Variants in NEO1 observed in about 807,000 individuals in gnomAD.
NEO1 encodes neogenin.
A neutral mutation model predicts 159.7 loss-of-function variants in NEO1; 63 were observed. The observed-to-expected ratio is 0.39, with a 90% CI of 0.32 to 0.49. The LOEUF (loss-of-function observed/expected upper bound fraction) is 0.49. NEO1 is among the 20% of genes least tolerant of loss of function. The probability of loss-of-function intolerance (pLI) is 0.85; values close to 1 mark genes in which losing one functional copy is unlikely to be tolerated. For synonymous variants in NEO1, 633 were observed against 662.0 expected (o/e 0.96, Z 0.67); for missense variants, 1,615 against 1,831.0 (o/e 0.88, Z 2.15).
Position 73,136,169 on chromosome 15 carries a change from T to A in NEO1, c.1015+142T>A, listed in dbSNP as rs2031738495. ...CTAGACCAGACTGCTTGGGTTTAAATTCTAAATCTTATATTTCCTAGATAT... is the reference window on the plus strand; with the variant it reads ...CTAGACCAGACTGCTTGGGTTTAAAATCTAAATCTTATATTTCCTAGATAT... On this transcript the variant is annotated intron_variant, in intron 5 of 28. Coordinates refer to ENST00000261908, the MANE Select transcript of NEO1 (RefSeq NM_002499.4). 1.1e-5 allele frequency: 6 copies of A among 560,728 alleles called. No individual in the cohort carries two copies. In the South Asian group the frequency reaches 2.8e-4, roughly 26 times the overall value. The allele number at this position is 560,728 out of a possible 1,614,324, so 34.7% of individuals were successfully genotyped here.
At chr15:73,055,248 AAC>A (rs2067642995) in intron 1 of NEO1, among the ~76,000 whole-genome samples, 1 of 152,204 alleles carries the variant, frequency 6.6e-6, no homozygotes, top group African/African-American at 2.4e-5. Flanking sequence ...ATTTAGAGTG[AAC>A]ATTCTTCACC....
chr15:73,258,594 A>G (rs2150980605), intron 13 of NEO1, among the ~76,000 whole-genome samples, 172 bp from the exon 14 acceptor site: 1 of 152,260 alleles, frequency 6.6e-6, no homozygotes, highest in East Asian at 1.9e-4. Context: ...TGGAGATGGA[A>G]GCTACTCTAT....
chr15:73,249,237 T>C lies in NEO1; in HGVS notation c.1755+29T>C, dbSNP rs142332265. The C allele has an allele frequency of 9.6e-5, 155 of 1,610,266 alleles. 2 individuals are homozygous for C. In the East Asian group the frequency reaches 1.5e-3, roughly 16 times the overall value. ...TGAAGTGAAGCAACTTTTCAAACCATTGATTGGAATAGTAGAGTTGAAATA... is the reference window on the plus strand; with the variant it reads ...TGAAGTGAAGCAACTTTTCAAACCACTGATTGGAATAGTAGAGTTGAAATA... On this transcript the variant is annotated intron_variant, in intron 10 of 28. Transcript: ENST00000261908.
At chr15:73,227,401 C>G (rs768283804) in intron 7 of NEO1, among the ~76,000 whole-genome samples, 1 of 152,128 alleles carries the variant, frequency 6.6e-6, no homozygotes, top group Non-Finnish European at 1.5e-5. Context: ...GAGGCTGACG[C>G]AGGAGAATTG....
chr15:73,140,853 T>G (rs2032317084), intron 5 of NEO1, among the ~76,000 whole-genome samples: 1 of 152,338 alleles, frequency 6.6e-6, no homozygotes, highest in African/African-American at 2.4e-5. Context: ...CTACTATATA[T>G]ATGTAATTAC....
In NEO1 at chr15:73,086,564, T is replaced by A. The variant is rs2069368884; in HGVS notation, c.131-29976T>A. Among the ~76,000 whole-genome samples, 5 of 149,650 alleles carry A rather than the reference T, an allele frequency of 3.3e-5. No individual in the cohort carries two copies. The South Asian group carries it at 1.1e-3, about 32-fold the overall frequency. Reference sequence around the variant, plus strand: ...TCAATCCATGAATATAGTATGTCTTTTTTTTTTTTTTTTTGAGATGGAGTC... The same window carrying A: ...TCAATCCATGAATATAGTATGTCTTATTTTTTTTTTTTTTGAGATGGAGTC... On this transcript the variant is annotated intron_variant, in intron 1 of 28. Transcript: ENST00000261908.
chr15:73,053,082 C>G (rs781213644), intron 1 of NEO1, among the ~76,000 whole-genome samples: 5 of 152,096 alleles, frequency 3.3e-5, no homozygotes, highest in Non-Finnish European at 5.9e-5. Flanking sequence ...CCTCGCCTCT[C>G]TCCCCTCCCC....
intron 16 of NEO1, among the ~76,000 whole-genome samples, chr15:73,269,708 A>G (rs2041081521): frequency 6.6e-6 from 1 of 152,204 alleles, no homozygotes; most frequent in Non-Finnish European, 1.5e-5. Flanking sequence ...TATTTTAAGA[A>G]AATTCAAGCA....
chr15:73,054,901 G>A (rs1170683874), intron 1 of NEO1, among the ~76,000 whole-genome samples: 1 of 152,094 alleles, frequency 6.6e-6, no homozygotes, highest in East Asian at 1.9e-4. Context: ...TTTTATTTTT[G>A]TAGAGTGATA....
At chr15:73,135,074 T>G (rs960626694) in intron 4 of NEO1, among the ~76,000 whole-genome samples, 2 of 152,212 alleles carry the variant, frequency 1.3e-5, no homozygotes, top group African/African-American at 4.8e-5. Context: ...TCCCTAGAAT[T>G]AACTGCATCT....
intron 2 of NEO1, among the ~76,000 whole-genome samples, chr15:73,121,297 G>A (rs2151644357): frequency 6.6e-6 from 1 of 152,214 alleles, no homozygotes; most frequent in East Asian, 1.9e-4. Flanking sequence ...AAACTCTTTA[G>A]ATATAACTTG....
chr15:73,272,347 C>CT, intron 18 of NEO1, 108 bp from the exon 19 acceptor site: 3 of 693,038 alleles, frequency 4.3e-6, no homozygotes, highest in Non-Finnish European at 4.8e-6. Context: ...GAAGCTTTAT[C>CT]TTTTTTGCCT....
chr15:73,198,260 T>C (rs2036652070), intron 7 of NEO1, among the ~76,000 whole-genome samples: 1 of 152,214 alleles, frequency 6.6e-6, no homozygotes, highest in African/African-American at 2.4e-5. Flanking sequence ...CTGCCCTGTT[T>C]CTCATATACT....
At chr15:73,236,584 T>C in intron 8 of NEO1, 78 bp downstream of exon 8, 1 of 1,306,484 alleles carries the variant, frequency 7.7e-7, no homozygotes, top group Middle Eastern at 2.0e-4. Context: ...TGGCTCTTGG[T>C]ATCTGTACCA....
chr15:73,267,852 G>A (rs1162823379), intron 16 of NEO1, among the ~76,000 whole-genome samples: 2 of 151,982 alleles, frequency 1.3e-5, no homozygotes, highest in African/African-American at 4.8e-5. Flanking sequence ...AAAGGGCACT[G>A]GAAACCAAAG....
chr15:73,286,501 C>G (rs1262308336), intron 23 of NEO1, among the ~76,000 whole-genome samples: 1 of 152,184 alleles, frequency 6.6e-6, no homozygotes, highest in East Asian at 1.9e-4. Context: ...GTGTTCTCCC[C>G]AAGTGATCTC....
chr15:73,193,207 G>A (rs1029048731), intron 7 of NEO1, among the ~76,000 whole-genome samples: 3 of 151,962 alleles, frequency 2.0e-5, no homozygotes, highest in Admixed American at 2.0e-4. Context: ...TTAATATGTT[G>A]AGTACATGTG....
At chr15:73,115,517 G>T (rs1282409245) in intron 1 of NEO1, among the ~76,000 whole-genome samples, 1 of 152,090 alleles carries the variant, frequency 6.6e-6, no homozygotes, top group Non-Finnish European at 1.5e-5. Context: ...ATATAATATA[G>T]AATTTATGTC....
intron 1 of NEO1, among the ~76,000 whole-genome samples, chr15:73,077,301 C>T (rs1018506247): frequency 8.5e-5 from 13 of 152,182 alleles, no homozygotes; most frequent in African/African-American, 3.1e-4. Flanking sequence ...ACCTCGGCCT[C>T]CCAAAGTGCT....
Sources: allele counts gnomAD v4.1 joint callset (sites outside exome capture counted in the v4.1 genomes callset), GRCh38; gene constraint gnomAD v4.1.1; transcripts MANE v1.5; gene names NCBI Gene and HGNC (gene_info 2026-07-23, HGNC 2026-07-21).